ARHGAP19: variants seen among roughly 807,000 people sequenced by gnomAD.
ARHGAP19 encodes Rho GTPase activating protein 19.
Under a neutral mutation model 60.9 loss-of-function variants are expected in ARHGAP19, and 48 were observed. That is an observed-to-expected ratio of 0.79 (90% CI 0.62 to 1.00). The LOEUF (loss-of-function observed/expected upper bound fraction) is 1.00, where lower values mean the gene tolerates loss of function less well. Among genes scored for constraint, ARHGAP19 ranks in the 50% least tolerant of loss-of-function variants. ARHGAP19 has a pLI of 0.00. For missense variants in ARHGAP19, 562 were observed against 597.2 expected, an observed-to-expected ratio of 0.94 and a Z score of 0.61; for synonymous variants, 209 against 215.5, an observed-to-expected ratio of 0.97 and a Z score of 0.27.
chr10:97,268,594 G>T (rs1842926528), intron 1 of ARHGAP19, among the ~76,000 whole-genome samples: 1 of 152,222 alleles, frequency 6.6e-6, no homozygotes, highest in Non-Finnish European at 1.5e-5. Flanking sequence ...GGAAGGCGAA[G>T]GGGGAACAAA....
At chr10:97,232,065 G>A (rs1589443896) in intron 9 of ARHGAP19, among the ~76,000 whole-genome samples, 1 of 140,234 alleles carries the variant, frequency 7.1e-6, no homozygotes, top group Non-Finnish European at 1.5e-5. Flanking sequence ...TTTCCCTAAT[G>A]ATTAGTGATG....
intron 7 of ARHGAP19, among the ~76,000 whole-genome samples, chr10:97,244,664 C>CA (rs1842537367): frequency 6.6e-6 from 1 of 152,226 alleles, no homozygotes; most frequent in South Asian, 2.1e-4. Context: ...GCTAGAGGAA[C>CA]AAAAACAGCT....
intron 1 of ARHGAP19, among the ~76,000 whole-genome samples, chr10:97,279,453 A>G (rs1489967171): frequency 6.7e-6 from 1 of 150,156 alleles, no homozygotes; most frequent in Admixed American, 6.8e-5. Flanking sequence ...CTCAACCTGA[A>G]CAAATTTCTT....
chr10:97,243,189 A>G (rs149455010), intron 8 of ARHGAP19, among the ~76,000 whole-genome samples: 223 of 152,300 alleles, frequency 1.5e-3, no homozygotes, highest in African/African-American at 5.2e-3. Flanking sequence ...CCATTATCTG[A>G]GTACTTGTTT....
intron 1 of ARHGAP19, among the ~76,000 whole-genome samples, chr10:97,288,744 T>C (rs1278371996): frequency 6.6e-6 from 1 of 151,702 alleles, no homozygotes; most frequent in Non-Finnish European, 1.5e-5. Flanking sequence ...GCACTGGGAA[T>C]ATGTGATAAA....
At chr10:97,229,911 C>A in intron 9 of ARHGAP19, 37 bp from the exon 10 acceptor site, 1 of 1,414,400 alleles carries the variant, frequency 7.1e-7, no homozygotes, top group Non-Finnish European at 9.9e-7. Context: ...TTTATAAACA[C>A]CTACTGCATC....
At chr10:97,229,628 G>T in intron 10 of ARHGAP19, 136 bp downstream of exon 10, 1 of 648,598 alleles carries the variant, frequency 1.5e-6, no homozygotes, top group Non-Finnish European at 2.7e-6. Flanking sequence ...AAAGAAGGTA[G>T]CATAAATGAA....
At chr10:97,271,680 GTTAT>G (rs907092421) in intron 1 of ARHGAP19, among the ~76,000 whole-genome samples, 12 of 152,076 alleles carry the variant, frequency 7.9e-5, no homozygotes, top group Middle Eastern at 6.8e-3. Context: ...AGTTTGCTAT[GTTAT>G]TTATTTATTT....
intron 9 of ARHGAP19, among the ~76,000 whole-genome samples, chr10:97,230,847 CT>C (rs1305889203): frequency 6.6e-6 from 1 of 152,074 alleles, no homozygotes; most frequent in African/African-American, 2.4e-5. Context: ...GGGTGAATCG[CT>C]GGAGGCCAGG....
rs1850862557 is a variant in ARHGAP19 at position 97,224,646 on chromosome 10, T to C, written c.*1476A>G. 6.6e-6 allele frequency: 1 copy of C among 152,256 alleles called. No individual in the cohort carries two copies. Among genetic ancestry groups the C allele is most frequent in the African/African-American group, 2.4e-5 (1 of 41,452 alleles). The allele number at this position is 152,256 out of a possible 1,614,324, so 9.4% of individuals were successfully genotyped here. A position where few individuals can be genotyped will look rare whatever the true frequency, so the allele number is the denominator to read the frequency against. On this transcript the variant is annotated 3_prime_UTR_variant, in exon 12 of 12. Transcript: ENST00000358531. Reference sequence around the variant, plus strand: ...TGCAGCATATTCAACAGTTTAGAAATAGGTCAGCAAACCACATTTTGTGGG... The same window carrying C: ...TGCAGCATATTCAACAGTTTAGAAACAGGTCAGCAAACCACATTTTGTGGG...
At chr10:97,272,562 A>T (rs928673288) in intron 1 of ARHGAP19, among the ~76,000 whole-genome samples, 1 of 152,062 alleles carries the variant, frequency 6.6e-6, no homozygotes, top group Non-Finnish European at 1.5e-5. Context: ...TACACATTCC[A>T]CTTATTTTGT....
chr10:97,292,491 C>A, intron 1 of ARHGAP19, 81 bp downstream of exon 1: 2 of 1,533,886 alleles, frequency 1.3e-6, no homozygotes, highest in East Asian at 4.5e-5. Context: ...GAACCGTGCG[C>A]CTCCGTGACC....
At chr10:97,282,591 C>G (rs1207541276) in intron 1 of ARHGAP19, among the ~76,000 whole-genome samples, 1 of 152,126 alleles carries the variant, frequency 6.6e-6, no homozygotes, top group Non-Finnish European at 1.5e-5. Flanking sequence ...CCTTCTGTAT[C>G]TTCCCCTTCA....
intron 3 of ARHGAP19, among the ~76,000 whole-genome samples, chr10:97,264,177 C>G (rs1451092554): frequency 1.3e-5 from 2 of 152,304 alleles, no homozygotes; most frequent in East Asian, 3.9e-4. Context: ...CTAGGCCAGG[C>G]TCAATGGCTC....
In ARHGAP19 at chr10:97,235,216, C is replaced by T; in HGVS notation, c.1284+1G>A. 1 of 1,608,014 alleles carries T rather than the reference C, an allele frequency of 6.2e-7. No individual in the cohort carries two copies. Among genetic ancestry groups the T allele is most frequent in the Non-Finnish European group, 8.5e-7 (1 of 1,174,944 alleles). On this transcript the variant is annotated splice_donor_variant, in intron 9 of 11. Coordinates refer to ENST00000358531, the MANE Select transcript of ARHGAP19 (RefSeq NM_032900.6). LOFTEE classifies it high-confidence loss of function. ...TGAAAACGACAGCCCAGCATACCTA[C>T]CTTAATAAGCCCACTGAAGGAGCGC...
Position 97,264,813 on chromosome 10 carries a change from C to T in ARHGAP19, c.403+13G>A. 1.3e-6 allele frequency: 2 copies of T among 1,589,628 alleles called. No individual in the cohort carries two copies. Among genetic ancestry groups the T allele is most frequent in the Non-Finnish European group, 1.7e-6 (2 of 1,159,692 alleles). On this transcript the variant is annotated intron_variant, in intron 3 of 11. Transcript: ENST00000358531. ...CATTAAACAAAGAATGATAAAATTT[C>T]AAGTAGTCTTACTTTTGTGTAGATA...
rs1383731308 is a variant in ARHGAP19 at position 97,222,265 on chromosome 10, T to C, written c.*3857A>G. 1 of 152,222 alleles carries C rather than the reference T, an allele frequency of 6.6e-6. No individual in the cohort carries two copies. The highest frequency in any genetic ancestry group is 1.5e-5 in the Non-Finnish European group (1 of 68,042). 9.4% of individuals were successfully genotyped at this position (152,222 alleles called of 1,614,324 possible). A position where few individuals can be genotyped will look rare whatever the true frequency, so the allele number is the denominator to read the frequency against. On this transcript the variant is annotated 3_prime_UTR_variant, in exon 12 of 12. Coordinates refer to ENST00000358531, the MANE Select transcript of ARHGAP19 (RefSeq NM_032900.6). ...AGGATCGTTTCTTTACAATTACATATACATAGTCAAATAAGAATGAAAACT... is the reference window on the plus strand; with the variant it reads ...AGGATCGTTTCTTTACAATTACATACACATAGTCAAATAAGAATGAAAACT...
At chr10:97,253,413 G>A (rs1196350223) in intron 6 of ARHGAP19, among the ~76,000 whole-genome samples, 1 of 151,310 alleles carries the variant, frequency 6.6e-6, no homozygotes, top group Non-Finnish European at 1.5e-5. Context: ...TCATGGTGAG[G>A]GAGAAAAAGA....
At chr10:97,233,719 T>C (rs1851071064) in intron 9 of ARHGAP19, among the ~76,000 whole-genome samples, 1 of 151,646 alleles carries the variant, frequency 6.6e-6, no homozygotes, top group Non-Finnish European at 1.5e-5. Context: ...ACTACAAAAA[T>C]GAGCCAGGCA....
Sources: gnomAD v4.1 joint callset for allele counts (sites outside exome capture counted in the v4.1 genomes callset) on GRCh38, gnomAD v4.1.1 for gene constraint, MANE v1.5 for transcripts, NCBI Gene and HGNC (gene_info 2026-07-23, HGNC 2026-07-21) for gene names.